The following RYR2 variants were observed in gnomAD, a reference collection of about 807,000 sequenced individuals.
RYR2 encodes the protein cardiac muscle ryanodine receptor-calcium release channel.
In RYR2, 227 loss-of-function variants were observed where a neutral mutation model predicts 601.1. That is an observed-to-expected ratio of 0.38 (90% CI 0.34 to 0.42). The LOEUF (loss-of-function observed/expected upper bound fraction) is 0.42, where lower values mean the gene tolerates loss of function less well. Ranked by LOEUF, RYR2 falls within the 10% of genes least tolerant of loss-of-function variation. The pLI, the probability that RYR2 is intolerant of heterozygous loss-of-function variation, is 1.00. For missense variants in RYR2, 4,646 were observed against 6,156.5 expected (o/e 0.75, Z 8.21); for synonymous variants, 2,223 against 2,175.1 (o/e 1.02, Z -0.61).
At chr1:237,732,759 C>T (rs1002597038) in intron 78 of RYR2, among the ~76,000 whole-genome samples, 4 of 152,258 alleles carry the variant, frequency 2.6e-5, no homozygotes, top group South Asian at 2.1e-4. Flanking sequence ...TCTGTCATTA[C>T]GGAGGGCAAT....
At chr1:237,588,524 A>G (rs892354701) in intron 29 of RYR2, among the ~76,000 whole-genome samples, 25 of 152,092 alleles carry the variant, frequency 1.6e-4, no homozygotes, top group Non-Finnish European at 3.7e-4. Flanking sequence ...TTGAACATTC[A>G]TGTAAAACAT....
At chr1:237,368,767 G>C (rs994829621) in intron 5 of RYR2, among the ~76,000 whole-genome samples, 2 of 151,940 alleles carry the variant, frequency 1.3e-5, no homozygotes, top group Admixed American at 1.3e-4. Context: ...GATCAATTTT[G>C]TGTTCTAGGA....
At chr1:237,116,211 G>A (rs1042233760) in intron 1 of RYR2, among the ~76,000 whole-genome samples, 6 of 152,180 alleles carry the variant, frequency 3.9e-5, no homozygotes, top group African/African-American at 1.4e-4. Flanking sequence ...AGGGGAACCA[G>A]GCTGAACGAC....
chr1:237,795,038 TA>T (rs1341893457), intron 95 of RYR2, among the ~76,000 whole-genome samples: 2 of 152,334 alleles, frequency 1.3e-5, no homozygotes, highest in East Asian at 3.9e-4. Context: ...ACCTAATAAA[TA>T]TGCTCATATT....
At chr1:237,467,844 C>T (rs1660252120) in intron 16 of RYR2, among the ~76,000 whole-genome samples, 1 of 149,516 alleles carries the variant, frequency 6.7e-6, no homozygotes, top group Non-Finnish European at 1.5e-5. Context: ...GCATCAGCTA[C>T]CAGATTTTCT....
At chr1:237,632,481 G>A (rs1967582) in intron 42 of RYR2, among the ~76,000 whole-genome samples, 60,115 of 145,364 alleles carry the variant, frequency 0.41, 12,289 homozygotes, top group African/African-American at 0.52. Context: ...TGCAACCTCC[G>A]CCTCCCAGGT....
intron 6 of RYR2, among the ~76,000 whole-genome samples, chr1:237,374,456 A>G (rs1407536921): frequency 6.6e-6 from 1 of 152,108 alleles, no homozygotes; most frequent in Non-Finnish European, 1.5e-5. Context: ...CTAGGAGTTC[A>G]AGGCCAGCCT....
intron 29 of RYR2, among the ~76,000 whole-genome samples, chr1:237,574,209 A>G (rs1672996946): frequency 6.6e-6 from 1 of 152,190 alleles, no homozygotes; most frequent in South Asian, 2.1e-4. Flanking sequence ...TTGGACTGTA[A>G]TGTCACAAAG....
chr1:237,163,674 C>T (rs2490361), intron 1 of RYR2, among the ~76,000 whole-genome samples: 82,352 of 151,464 alleles, frequency 0.54, 24,040 homozygotes, highest in Non-Finnish European at 0.65. Context: ...TTCTGAAAAA[C>T]AGAGACGGAA....
At chr1:237,221,669 G>A (rs1391435029) in intron 1 of RYR2, among the ~76,000 whole-genome samples, 1 of 152,182 alleles carries the variant, frequency 6.6e-6, no homozygotes, top group Non-Finnish European at 1.5e-5. Context: ...CGGAAGTCAA[G>A]TTAGTAGCTA....
chr1:237,109,703 C>T (rs902647017), intron 1 of RYR2, among the ~76,000 whole-genome samples: 6 of 140,976 alleles, frequency 4.3e-5, no homozygotes, highest in Non-Finnish European at 7.6e-5. Context: ...GCCTGGGCGA[C>T]AGAGCGAGAC....
intron 81 of RYR2, among the ~76,000 whole-genome samples, chr1:237,757,477 A>T (rs1039353092): frequency 6.6e-6 from 1 of 152,144 alleles, no homozygotes; most frequent in African/African-American, 2.4e-5. Context: ...TTATGGTTTC[A>T]GTTCTTAGAT....
At chr1:237,377,610 G>T (rs1405317245) in intron 8 of RYR2, among the ~76,000 whole-genome samples, 175 bp downstream of exon 8, 3 of 152,110 alleles carry the variant, frequency 2.0e-5, no homozygotes, top group African/African-American at 7.2e-5. Context: ...ATGTGATGTG[G>T]GTGCAAATAT....
chr1:237,135,339 T>C (rs904931018), intron 1 of RYR2, among the ~76,000 whole-genome samples: 2 of 151,330 alleles, frequency 1.3e-5, no homozygotes, highest in Non-Finnish European at 2.9e-5. Context: ...AAAATCACAC[T>C]GTCCAGCATC....
At chr1:237,207,285 G>T (rs1681921633) in intron 1 of RYR2, among the ~76,000 whole-genome samples, 1 of 152,206 alleles carries the variant, frequency 6.6e-6, no homozygotes. Flanking sequence ...AGTCTTCATG[G>T]CCAGGCACGG....
intron 1 of RYR2, among the ~76,000 whole-genome samples, chr1:237,067,893 A>C (rs1394112916): frequency 6.6e-6 from 1 of 152,130 alleles, no homozygotes; most frequent in African/African-American, 2.4e-5. Flanking sequence ...AGACATGTCA[A>C]TTTCACATCA....
chr1:237,542,871 A>C (rs1227904066), intron 25 of RYR2, among the ~76,000 whole-genome samples: 1 of 152,156 alleles, frequency 6.6e-6, no homozygotes, highest in Non-Finnish European at 1.5e-5. Flanking sequence ...AGGAAGCAAG[A>C]TAGAAGCTCA....
rs867293714 is a variant in RYR2 at position 237,438,480 on chromosome 1, T to G, written c.1006-2839T>G. ...TTGCAGGCAGTTAACCTTGTTGGGTTGAAACTTCAGTTTTCTCTCTTTTAC... is the reference window on the plus strand; with the variant it reads ...TTGCAGGCAGTTAACCTTGTTGGGTGGAAACTTCAGTTTTCTCTCTTTTAC... On this transcript the variant is annotated intron_variant, in intron 12 of 104. Transcript: ENST00000366574. 2.0e-4 allele frequency among the ~76,000 whole-genome samples: 30 copies of G among 152,228 alleles called. 1 individual carries two copies. The highest frequency in any genetic ancestry group is 1.2e-4 in the African/African-American group (5 of 41,454).
At chr1:237,323,287 T>C (rs1695811378) in intron 2 of RYR2, among the ~76,000 whole-genome samples, 1 of 152,140 alleles carries the variant, frequency 6.6e-6, no homozygotes, top group Admixed American at 6.5e-5. Context: ...CATATATGAC[T>C]TTCAAGATAC....
Sources: allele counts gnomAD v4.1 joint callset (sites outside exome capture counted in the v4.1 genomes callset), GRCh38; gene constraint gnomAD v4.1.1; transcripts MANE v1.5; gene names NCBI Gene and HGNC (gene_info 2026-07-23, HGNC 2026-07-21).